The following ADK variants were observed in gnomAD, a reference collection of about 807,000 sequenced individuals.
The protein encoded by ADK is N6,N6-dimethyladenosine kinase.
Under a neutral mutation model 44.7 loss-of-function variants are expected in ADK, and 24 were observed. The observed-to-expected ratio is 0.54, with a 90% CI of 0.39 to 0.76. The LOEUF is 0.76. Among genes scored for constraint, ADK ranks in the 30% least tolerant of loss-of-function variants. ADK has a pLI of 0.00. For missense variants in ADK, 321 were observed against 425.1 expected (o/e 0.76, Z 2.15); for synonymous variants, 128 against 142.6 (o/e 0.90, Z 0.73).
chr10:74,682,631 T>C (rs1321521851), intron 10 of ADK, among the ~76,000 whole-genome samples: 1 of 150,004 alleles, frequency 6.7e-6, no homozygotes, highest in Non-Finnish European at 1.5e-5. Context: ...TGGACTGCAG[T>C]GGTGTGATCT....
chr10:74,585,326 G>T (rs1379640083), intron 7 of ADK, among the ~76,000 whole-genome samples: 1 of 152,100 alleles, frequency 6.6e-6, no homozygotes, highest in East Asian at 1.9e-4. Flanking sequence ...AAATGGGTCT[G>T]TTTTTGTAAA....
intron 8 of ADK, 144 bp from the exon 9 acceptor site, chr10:74,600,235 A>G (rs1037929916): frequency 1.2e-5 from 7 of 567,914 alleles, no homozygotes; most frequent in Admixed American, 2.9e-5. Flanking sequence ...TTACTTTTGT[A>G]TATGGTTAAA....
intron 7 of ADK, among the ~76,000 whole-genome samples, chr10:74,583,915 A>T (rs1851448894): frequency 6.6e-6 from 1 of 152,140 alleles, no homozygotes; most frequent in African/African-American, 2.4e-5. Context: ...CAGCCCTCAG[A>T]TCCTCACTGG....
chr10:74,225,707 A>G (rs1050619052), intron 3 of ADK, among the ~76,000 whole-genome samples: 3 of 152,210 alleles, frequency 2.0e-5, no homozygotes, highest in African/African-American at 7.2e-5. Context: ...CTAACCTTTC[A>G]TCAGTATTTT....
intron 6 of ADK, among the ~76,000 whole-genome samples, chr10:74,455,264 G>A (rs1407009842): frequency 6.6e-6 from 1 of 151,980 alleles, no homozygotes; most frequent in Non-Finnish European, 1.5e-5. Flanking sequence ...AACACTTTAC[G>A]AGGCTGAGGT....
intron 6 of ADK, among the ~76,000 whole-genome samples, chr10:74,512,739 ATT>A (rs55652334): frequency 1.3e-4 from 19 of 151,352 alleles, no homozygotes; most frequent in Non-Finnish European, 1.8e-4. Context: ...GATCTTTTGT[ATT>A]TTTTTTGTCT....
At chr10:74,423,404 A>G (rs1018599188) in intron 6 of ADK, 1 of 165,476 alleles carries the variant, frequency 6.0e-6, no homozygotes, top group Non-Finnish European at 1.3e-5. Context: ...CAGAGGAAGT[A>G]GTTGCAGTGG....
At chr10:74,478,790 A>C (rs954811559) in intron 6 of ADK, among the ~76,000 whole-genome samples, 2 of 152,198 alleles carry the variant, frequency 1.3e-5, no homozygotes, top group African/African-American at 2.4e-5. Flanking sequence ...TGAATTAATA[A>C]GGTCAGAATT....
At chr10:74,443,957 A>T (rs1348073101) in intron 6 of ADK, among the ~76,000 whole-genome samples, 1 of 152,078 alleles carries the variant, frequency 6.6e-6, no homozygotes, top group East Asian at 1.9e-4. Context: ...TGTAACCCCT[A>T]TTGGATAAAT....
At chr10:74,308,588 TG>T (rs1188282212) in intron 3 of ADK, among the ~76,000 whole-genome samples, 2 of 152,238 alleles carry the variant, frequency 1.3e-5, no homozygotes, top group Admixed American at 1.3e-4. Context: ...GAATGACTTA[TG>T]TTTTTAATTA....
At chr10:74,572,423 G>A (rs1851003403) in intron 7 of ADK, among the ~76,000 whole-genome samples, 1 of 152,118 alleles carries the variant, frequency 6.6e-6, no homozygotes, top group Admixed American at 6.6e-5. Context: ...CTTTCTCTCT[G>A]GCTGCCCTTA....
intron 9 of ADK, among the ~76,000 whole-genome samples, chr10:74,648,105 T>C (rs1854119346): frequency 6.6e-6 from 1 of 152,006 alleles, no homozygotes; most frequent in Non-Finnish European, 1.5e-5. Flanking sequence ...TATATACACA[T>C]ACATAGGCTT....
chr10:74,595,842 C>G (rs1231816000), intron 8 of ADK, among the ~76,000 whole-genome samples: 6 of 149,444 alleles, frequency 4.0e-5, no homozygotes. Context: ...ACTAAAAATA[C>G]AAAAATTAGT....
At chr10:74,507,478 T>G (rs1172536148) in intron 6 of ADK, among the ~76,000 whole-genome samples, 1 of 151,622 alleles carries the variant, frequency 6.6e-6, no homozygotes, top group Non-Finnish European at 1.5e-5. Flanking sequence ...CCAGGTGTGG[T>G]GGTGCACACC....
intron 9 of ADK, among the ~76,000 whole-genome samples, chr10:74,614,128 C>T (rs1589298657): frequency 1.3e-5 from 2 of 152,226 alleles, no homozygotes; most frequent in South Asian, 2.1e-4. Context: ...GGACCTGTCA[C>T]ATTTTTGACA....
chr10:74,452,144 G>T (rs1473543644), intron 6 of ADK, among the ~76,000 whole-genome samples: 7 of 151,864 alleles, frequency 4.6e-5, no homozygotes, highest in African/African-American at 1.7e-4. Flanking sequence ...ATTTGTAACA[G>T]AGAAAATAGG....
intron 9 of ADK, among the ~76,000 whole-genome samples, chr10:74,612,173 TATG>T (rs532436708): frequency 1.3e-5 from 2 of 152,190 alleles, no homozygotes; most frequent in Non-Finnish European, 2.9e-5. Context: ...TAACTAGTAT[TATG>T]ATATCTCATT....
At chr10:74,708,189 G>C in intron 10 of ADK, 132 bp from the exon 11 acceptor site, 4 of 757,846 alleles carry the variant, frequency 5.3e-6, no homozygotes, top group Non-Finnish European at 8.7e-6. Context: ...TAACGGTAAC[G>C]CACAAGACTT....
intron 3 of ADK, among the ~76,000 whole-genome samples, chr10:74,266,719 C>T (rs766419458): frequency 6.6e-6 from 1 of 151,942 alleles, no homozygotes; most frequent in Admixed American, 6.6e-5. Flanking sequence ...GAAGTTTGTC[C>T]ACCAAATAAA....
Sources: gnomAD v4.1 joint callset for allele counts (sites outside exome capture counted in the v4.1 genomes callset) on GRCh38, gnomAD v4.1.1 for gene constraint, MANE v1.5 for transcripts, NCBI Gene and HGNC (gene_info 2026-07-23, HGNC 2026-07-21) for gene names.